The following PCDH15 variants were observed in gnomAD, a reference collection of about 807,000 sequenced individuals.
PCDH15 encodes protocadherin-15.
Under a neutral mutation model 178.5 loss-of-function variants are expected in PCDH15, and 129 were observed. The observed-to-expected ratio is 0.72, with a 90% confidence interval of 0.63 to 0.84. PCDH15 has a LOEUF of 0.84. PCDH15 is among the 40% of genes least tolerant of loss of function. The pLI is 0.00. For missense variants in PCDH15, 2,230 were observed against 2,099.9 expected (o/e 1.06, Z -1.21); for synonymous variants, 800 against 732.0 (o/e 1.09, Z -1.50).
intron 8 of PCDH15, among the ~76,000 whole-genome samples, chr10:54,283,678 T>A (rs1485774049): frequency 2.0e-5 from 3 of 152,138 alleles, no homozygotes; most frequent in Non-Finnish European, 4.4e-5. Context: ...ATACTCTATA[T>A]ACTAAAGTGT....
intron 3 of PCDH15, among the ~76,000 whole-genome samples, chr10:54,433,781 C>T (rs1395776781): frequency 6.6e-6 from 1 of 152,012 alleles, no homozygotes; most frequent in Non-Finnish European, 1.5e-5. Context: ...ATATTACATG[C>T]CCGTATCAAA....
At chr10:54,040,830 G>A (rs2093526420) in intron 18 of PCDH15, among the ~76,000 whole-genome samples, 1 of 151,966 alleles carries the variant, frequency 6.6e-6, no homozygotes. Flanking sequence ...GCATATATGT[G>A]TGTCTAAATG....
intron 23 of PCDH15, among the ~76,000 whole-genome samples, chr10:53,947,409 T>A (rs1456765142): frequency 2.6e-5 from 4 of 152,204 alleles, no homozygotes; most frequent in Non-Finnish European, 5.9e-5. Flanking sequence ...GGATTCAATC[T>A]GGCTCTATTG....
intron 1 of PCDH15, among the ~76,000 whole-genome samples, chr10:54,714,276 C>T (rs1420698766): frequency 6.6e-6 from 1 of 152,090 alleles, no homozygotes; most frequent in East Asian, 1.9e-4. Context: ...AACAGCTCCA[C>T]CAGTCGCAAC....
At position 54,065,796 on chromosome 10, in the gene PCDH15, G is replaced by C. The variant is rs185989895; in HGVS notation, c.2220+961C>G. ...TTCAACTGGTCAATCAAAATCTCAGGACATGGTGTGAACATCACAAGATCT... is the reference window on the plus strand; with the variant it reads ...TTCAACTGGTCAATCAAAATCTCAGCACATGGTGTGAACATCACAAGATCT... On this transcript the variant is annotated intron_variant, in intron 18 of 37. Transcript: ENST00000644397. 1.3e-3 allele frequency among the ~76,000 whole-genome samples: 205 copies of C among 152,262 alleles called. 1 individual carries two copies. The highest frequency in any genetic ancestry group is 4.8e-3 in the African/African-American group (201 of 41,564).
chr10:55,119,572 G>T lies in PCDH15; in HGVS notation c.-80+47004C>A, dbSNP rs117104536. Among the ~76,000 whole-genome samples the T allele has an allele frequency of 4.1e-3, 616 of 151,282 alleles. 6 individuals are homozygous for T. Among genetic ancestry groups the T allele is most frequent in the Middle Eastern group, 0.014 (4 of 286 alleles). ...GTATTGCATATTCCATATTGCATCT[G>T]CTGACTCTTGCTGTTTTCCATTTTG... On this transcript the variant is annotated intron_variant, in intron 2 of 5. Transcript: ENST00000458638.
At chr10:54,111,409 A>G (rs2095020891) in intron 15 of PCDH15, among the ~76,000 whole-genome samples, 1 of 152,144 alleles carries the variant, frequency 6.6e-6, no homozygotes, top group Non-Finnish European at 1.5e-5. Context: ...CTGTTCAATT[A>G]GAAAGGAAAA....
chr10:54,762,364 AAC>A (rs975542596), intron 1 of PCDH15, among the ~76,000 whole-genome samples: 15 of 152,288 alleles, frequency 9.8e-5, no homozygotes, highest in Non-Finnish European at 1.3e-4. Context: ...TGTTTAGGAA[AAC>A]ACAGTCTTTT....
intron 2 of PCDH15, among the ~76,000 whole-genome samples, chr10:55,520,703 T>C (rs976239843): frequency 6.6e-6 from 1 of 151,642 alleles, no homozygotes; most frequent in Non-Finnish European, 1.5e-5. Flanking sequence ...TATAATCTAC[T>C]AACAATCTAT....
At chr10:55,347,320 G>A (rs1029903363) in intron 2 of PCDH15, among the ~76,000 whole-genome samples, 1 of 152,072 alleles carries the variant, frequency 6.6e-6, no homozygotes, top group African/African-American at 2.4e-5. Flanking sequence ...ATATGCTGAG[G>A]TAATCCTTAG....
intron 2 of PCDH15, among the ~76,000 whole-genome samples, chr10:55,410,430 G>T (rs909587601): frequency 1.3e-5 from 2 of 152,054 alleles, no homozygotes; most frequent in African/African-American, 4.8e-5. Flanking sequence ...ATTTCACTCT[G>T]GAGTTCCTGA....
chr10:53,941,152 G>A (rs4285789), intron 23 of PCDH15, among the ~76,000 whole-genome samples, 177 bp from the exon 24 acceptor site: 1 of 152,132 alleles, frequency 6.6e-6, no homozygotes, highest in African/African-American at 2.4e-5. Context: ...TGTGATAAAT[G>A]ATGAACCTAC....
intron 1 of PCDH15, among the ~76,000 whole-genome samples, chr10:54,681,754 T>A (rs192579034): frequency 7.1e-4 from 108 of 152,278 alleles, no homozygotes; most frequent in Non-Finnish European, 1.3e-3. Flanking sequence ...GTGGGGACAA[T>A]GAGTCCATGA....
intron 15 of PCDH15, among the ~76,000 whole-genome samples, chr10:54,114,708 A>T (rs903273964): frequency 2.0e-5 from 3 of 152,196 alleles, no homozygotes; most frequent in African/African-American, 7.2e-5. Flanking sequence ...ACTCCAAGGA[A>T]ATGTAAGCAA....
intron 2 of PCDH15, among the ~76,000 whole-genome samples, chr10:55,089,508 AAACT>A (rs1325181781): frequency 6.6e-6 from 1 of 152,106 alleles, no homozygotes; most frequent in African/African-American, 2.4e-5. Flanking sequence ...CTGATGTCTG[AAACT>A]AACTGTGTGG....
chr10:54,489,757 T>C (rs2079414040), intron 3 of PCDH15, among the ~76,000 whole-genome samples: 1 of 152,186 alleles, frequency 6.6e-6, no homozygotes, highest in African/African-American at 2.4e-5. Context: ...TATTATACCT[T>C]AATAGATCTT....
At chr10:55,043,180 C>A (rs1017557842) in intron 2 of PCDH15, among the ~76,000 whole-genome samples, 18 of 151,832 alleles carry the variant, frequency 1.2e-4, no homozygotes, top group African/African-American at 4.1e-4. Context: ...TTTTTTTCTA[C>A]GTGGAATATT....
At chr10:53,910,128 G>A (rs1317045479) in intron 25 of PCDH15, among the ~76,000 whole-genome samples, 3 of 152,150 alleles carry the variant, frequency 2.0e-5, no homozygotes, top group Non-Finnish European at 4.4e-5. Context: ...TAAATGTCCT[G>A]GTCTGACAGC....
intron 1 of PCDH15, among the ~76,000 whole-genome samples, chr10:54,794,839 G>C (rs2133607957): frequency 6.6e-6 from 1 of 151,908 alleles, no homozygotes; most frequent in Non-Finnish European, 1.5e-5. Flanking sequence ...TTCATTCCTA[G>C]ATTGCTTTTT....
Sources: allele counts gnomAD v4.1 joint callset (sites outside exome capture counted in the v4.1 genomes callset), GRCh38; gene constraint gnomAD v4.1.1; transcripts MANE v1.5; gene names NCBI Gene and HGNC (gene_info 2026-07-23, HGNC 2026-07-21).